The following UST variants were observed in gnomAD, a reference collection of about 807,000 sequenced individuals.
UST encodes uronyl 2-sulfotransferase.
UST carries 21 observed loss-of-function variants against 45.6 expected under a neutral mutation model. That is an observed-to-expected ratio of 0.46 (90% CI 0.33 to 0.66). UST has a LOEUF of 0.66. Ranked by LOEUF, UST falls within the 30% of genes least tolerant of loss-of-function variation. The pLI is 0.02. For synonymous variants in UST, 215 were observed against 200.6 expected, an observed-to-expected ratio of 1.07 and a Z score of -0.61; for missense variants, 463 against 512.4, an observed-to-expected ratio of 0.90 and a Z score of 0.93.
chr6:148,900,265 C>G (rs912104932), intron 2 of UST, among the ~76,000 whole-genome samples: 12 of 152,122 alleles, frequency 7.9e-5, no homozygotes, highest in Admixed American at 2.6e-4. Flanking sequence ...ACCTCATGCT[C>G]AGGTGTGTCT....
chr6:149,041,327 C>T (rs1008018913), intron 7 of UST, among the ~76,000 whole-genome samples: 1 of 152,246 alleles, frequency 6.6e-6, no homozygotes. Context: ...CCTCTTGGAC[C>T]TCCAGCCCAG....
In UST at chr6:148,871,902, G is replaced by A. The variant is rs7746611; in HGVS notation, c.248-15084G>A. Among the ~76,000 whole-genome samples the A allele has an allele frequency of 2.6e-3, 402 of 152,248 alleles. 1 individual carries two copies. The highest frequency in any genetic ancestry group is 8.9e-3 in the African/African-American group (368 of 41,550). On this transcript the variant is annotated intron_variant, in intron 1 of 7. Coordinates refer to ENST00000367463, the MANE Select transcript of UST (RefSeq NM_005715.3). ...TGCTGTGGAGTGAGCAAGCACCTGG[G>A]GCTGTTCTTAACCTTCACTATTAAC... is the stretch of plus-strand genomic sequence containing the variant.
intron 1 of UST, among the ~76,000 whole-genome samples, chr6:148,795,222 G>A (rs1776924003): frequency 2.0e-5 from 3 of 152,354 alleles, no homozygotes; most frequent in South Asian, 2.1e-4. Context: ...GGATGGAGGT[G>A]TGCACTGAAT....
intron 2 of UST, among the ~76,000 whole-genome samples, chr6:148,894,234 A>G (rs1419880447): frequency 6.6e-6 from 1 of 152,210 alleles, no homozygotes; most frequent in African/African-American, 2.4e-5. Flanking sequence ...GAATGGTGTC[A>G]TGGATTGAAT....
intron 1 of UST, among the ~76,000 whole-genome samples, chr6:148,849,416 AT>A (rs1332350645): frequency 2.6e-5 from 4 of 152,208 alleles, no homozygotes; most frequent in Non-Finnish European, 5.9e-5. Flanking sequence ...ATTAATAGAC[AT>A]TTGGAAACTC....
chr6:149,036,343 G>A (rs927834129), intron 7 of UST, among the ~76,000 whole-genome samples: 2 of 152,192 alleles, frequency 1.3e-5, no homozygotes, highest in Non-Finnish European at 2.9e-5. Context: ...GACTCTCTTC[G>A]TCTGCTTTGC....
intron 2 of UST, among the ~76,000 whole-genome samples, chr6:148,895,729 G>A (rs1582883378): frequency 6.6e-6 from 1 of 152,200 alleles, no homozygotes; most frequent in African/African-American, 2.4e-5. Context: ...CTTGTCTGCT[G>A]CCATGTGAGA....
chr6:148,763,101 C>A (rs1019580032), intron 1 of UST, among the ~76,000 whole-genome samples: 4 of 152,188 alleles, frequency 2.6e-5, no homozygotes, highest in African/African-American at 9.7e-5. Flanking sequence ...AGAGGTTGTA[C>A]TAATTTACAT....
chr6:148,946,813 CAAAAAAAA>C (rs60990121), intron 3 of UST, among the ~76,000 whole-genome samples: 1 of 56,822 alleles, frequency 1.8e-5, no homozygotes, highest in Non-Finnish European at 3.0e-5. Context: ...GACTCCATCC[CAAAAAAAA>C]AAAAAAAAAA....
At chr6:148,754,031 G>C (rs923928892) in intron 1 of UST, among the ~76,000 whole-genome samples, 2 of 144,722 alleles carry the variant, frequency 1.4e-5, no homozygotes, top group South Asian at 2.2e-4. Context: ...GGCTCGCTCT[G>C]TTGCCCAGGC....
rs1582794216 is a variant in UST at position 148,761,572 on chromosome 6, G to C, written c.247+13895G>C. The stretch of plus-strand genomic sequence containing the variant: ...TCACATACAGATTTAGATACTTCAA[G>C]AGGAAGTTATTTTTACCACAGTGGG... On this transcript the variant is annotated intron_variant, in intron 1 of 7. Coordinates refer to ENST00000367463, the MANE Select transcript of UST (RefSeq NM_005715.3). Among the ~76,000 whole-genome samples, 3 of 151,782 alleles carry C rather than the reference G, an allele frequency of 2.0e-5. No homozygotes were observed. The East Asian group carries it at 5.8e-4, about 29-fold the overall frequency.
intron 7 of UST, among the ~76,000 whole-genome samples, chr6:149,060,880 C>T (rs964843812): frequency 1.3e-5 from 2 of 152,180 alleles, no homozygotes; most frequent in African/African-American, 4.8e-5. Context: ...GTCTTTTGTC[C>T]ATGCTTATTT....
At chr6:149,043,427 GA>G (rs1441848446) in intron 7 of UST, among the ~76,000 whole-genome samples, 1 of 152,154 alleles carries the variant, frequency 6.6e-6, no homozygotes, top group Admixed American at 6.5e-5. Flanking sequence ...CAGTTTATCA[GA>G]AAAAAATTTC....
In UST at chr6:149,019,072, C is replaced by G. The variant is rs1034551215; in HGVS notation, c.682-67C>G. 3.5e-6 allele frequency: 4 copies of G among 1,154,510 alleles called. No individual in the cohort carries two copies. The African/African-American group carries it at 6.1e-5, about 18-fold the overall frequency. 71.5% of individuals were successfully genotyped at this position (1,154,510 alleles called of 1,614,324 possible). ...AATTCAATCATGAATTTTACTTAAA[C>G]TGTGTGGCATTTGATAGAGCCTTGC... On this transcript the variant is annotated intron_variant, in intron 5 of 7. Coordinates refer to ENST00000367463, the MANE Select transcript of UST (RefSeq NM_005715.3).
intron 4 of UST, among the ~76,000 whole-genome samples, chr6:148,954,835 A>G (rs1186510260): frequency 6.6e-6 from 1 of 152,186 alleles, no homozygotes; most frequent in African/African-American, 2.4e-5. Flanking sequence ...AAATCTTCAA[A>G]TTCAGGTTTT....
intron 1 of UST, among the ~76,000 whole-genome samples, chr6:148,872,427 A>G (rs377109776): frequency 7.4e-5 from 11 of 148,476 alleles, no homozygotes; most frequent in African/African-American, 2.6e-4. Flanking sequence ...TAAAAAATGT[A>G]TCAGTTTATA....
At chr6:149,024,474 T>C (rs1776022120) in intron 7 of UST, among the ~76,000 whole-genome samples, 1 of 152,226 alleles carries the variant, frequency 6.6e-6, no homozygotes, top group Non-Finnish European at 1.5e-5. Flanking sequence ...TATGGTAACA[T>C]TGAAGACCAA....
intron 5 of UST, among the ~76,000 whole-genome samples, chr6:149,008,450 G>A (rs959550952): frequency 6.6e-6 from 1 of 152,162 alleles, no homozygotes; most frequent in Non-Finnish European, 1.5e-5. Flanking sequence ...CAAGTGGGCA[G>A]CACTTAATTC....
At chr6:148,902,417 A>G (rs756163507) in intron 2 of UST, among the ~76,000 whole-genome samples, 5 of 150,552 alleles carry the variant, frequency 3.3e-5, no homozygotes, top group African/African-American at 4.9e-5. Flanking sequence ...TTTAATTTTA[A>G]TAGACCCAAG....
Sources: gnomAD v4.1 joint callset for allele counts (sites outside exome capture counted in the v4.1 genomes callset) on GRCh38, gnomAD v4.1.1 for gene constraint, MANE v1.5 for transcripts, NCBI Gene and HGNC (gene_info 2026-07-23, HGNC 2026-07-21) for gene names.